Variants in MSI2 observed in about 807,000 individuals in gnomAD.
The protein encoded by MSI2 is RNA-binding protein Musashi homolog 2.
A neutral mutation model predicts 45.6 loss-of-function variants in MSI2; 17 were observed. The observed-to-expected ratio is 0.37, with a 90% CI of 0.26 to 0.56. The LOEUF is 0.56. MSI2 is among the 20% of genes least tolerant of loss of function. MSI2 has a pLI of 0.77. For missense variants in MSI2, 293 were observed against 444.2 expected (o/e 0.66, Z 3.06); for synonymous variants, 156 against 158.2 (o/e 0.99, Z 0.11).
chr17:57,452,228 G>A lies in MSI2; in HGVS notation c.405+50757G>A, dbSNP rs117300269. Among the ~76,000 whole-genome samples, 21 of 152,348 alleles carry A rather than the reference G, an allele frequency of 1.4e-4. No homozygotes were observed. In the East Asian group the frequency reaches 2.9e-3, roughly 21 times the overall value. Reference sequence around the variant, plus strand: ...GGAGGCAGGTTCTAGTCTTCTTTCCGGTGGCTCTCTGGGCAATGCATCTTG... The same window carrying A: ...GGAGGCAGGTTCTAGTCTTCTTTCCAGTGGCTCTCTGGGCAATGCATCTTG... On this transcript the variant is annotated intron_variant, in intron 6 of 13. Transcript: ENST00000284073.
intron 5 of MSI2, among the ~76,000 whole-genome samples, chr17:57,369,144 A>G (rs1252469335): frequency 6.6e-6 from 1 of 152,118 alleles, no homozygotes; most frequent in African/African-American, 2.4e-5. Flanking sequence ...TGGTGGTGGG[A>G]ATGACAGGGT....
chr17:57,544,482 G>C (rs1598385516), intron 7 of MSI2, among the ~76,000 whole-genome samples: 1 of 152,170 alleles, frequency 6.6e-6, no homozygotes, highest in Admixed American at 6.5e-5. Flanking sequence ...ACGGGGTAGG[G>C]CGCTGCAGGT....
In MSI2 at chr17:57,402,360, G is replaced by C. The variant is rs11650491; in HGVS notation, c.405+889G>C. The stretch of plus-strand genomic sequence containing the variant: ...ATCTTTGAGTAATTGTGGACATCGC[G>C]TGGGAGCCCAGGTCTGGGACAGTCT... On this transcript the variant is annotated intron_variant, in intron 6 of 13. Coordinates refer to ENST00000284073, the MANE Select transcript of MSI2 (RefSeq NM_138962.4). 3.3e-5 allele frequency among the ~76,000 whole-genome samples: 5 copies of C among 152,288 alleles called. No homozygotes were observed. In the South Asian group the frequency reaches 1.0e-3, roughly 32 times the overall value.
the MSI2 span, among the ~76,000 whole-genome samples, chr17:57,690,108 T>C: frequency 1.3e-5 from 2 of 151,988 alleles, no homozygotes; most frequent in South Asian, 2.1e-4. Flanking sequence ...TTTTCAGAGT[T>C]CTGGTTACTT....
In MSI2 at chr17:57,644,200, C is replaced by T. The variant is rs532997575; in HGVS notation, c.728-7899C>T. 6.7e-5 allele frequency among the ~76,000 whole-genome samples: 10 copies of T among 150,342 alleles called. No homozygotes were observed. The South Asian group carries it at 1.3e-3, about 19-fold the overall frequency. On this transcript the variant is annotated intron_variant, in intron 10 of 13. Transcript: ENST00000284073. ...AGATTCCTATTTTAAATGCCAAGGA[C>T]GCCAGGGTAAGTTGTTTTTTTTTTT...
chr17:57,586,816 C>T (rs2088359744), intron 7 of MSI2, among the ~76,000 whole-genome samples: 1 of 150,776 alleles, frequency 6.6e-6, no homozygotes, highest in Non-Finnish European at 1.5e-5. Flanking sequence ...AGTTCGAGAG[C>T]AGCCTGGCCA....
At chr17:57,301,632 A>G (rs879366655) in intron 5 of MSI2, among the ~76,000 whole-genome samples, 2 of 152,252 alleles carry the variant, frequency 1.3e-5, no homozygotes, top group African/African-American at 4.8e-5. Context: ...ATGTTGATGC[A>G]GGCAACTGCA....
At chr17:57,298,178 G>A (rs1413565519) in intron 5 of MSI2, among the ~76,000 whole-genome samples, 3 of 152,076 alleles carry the variant, frequency 2.0e-5, no homozygotes, top group Non-Finnish European at 2.9e-5. Context: ...GACAGGCATA[G>A]CCTTACAAAA....
intron 11 of MSI2, among the ~76,000 whole-genome samples, chr17:57,665,173 G>C (rs1912275387): frequency 1.3e-5 from 2 of 152,312 alleles, no homozygotes; most frequent in South Asian, 2.1e-4. Flanking sequence ...GGTCAGGAAG[G>C]CCACCCTCCA....
chr17:57,341,164 G>T (rs367783344), intron 5 of MSI2, among the ~76,000 whole-genome samples: 1 of 152,166 alleles, frequency 6.6e-6, no homozygotes. Flanking sequence ...GGGTGGGCCA[G>T]GGAAGGAGGT....
chr17:57,579,405 T>C (rs1044739364), intron 7 of MSI2, among the ~76,000 whole-genome samples: 1 of 152,182 alleles, frequency 6.6e-6, no homozygotes, highest in African/African-American at 2.4e-5. Context: ...GTGGCTCCCG[T>C]TGGAGACCCA....
At chr17:57,435,944 G>T (rs1306672872) in intron 6 of MSI2, among the ~76,000 whole-genome samples, 1 of 152,242 alleles carries the variant, frequency 6.6e-6, no homozygotes, top group Non-Finnish European at 1.5e-5. Flanking sequence ...CTGAAGCTCT[G>T]AGAGGTTGTG....
chr17:57,554,817 AG>A (rs2087393321), intron 7 of MSI2, among the ~76,000 whole-genome samples: 4 of 152,256 alleles, frequency 2.6e-5, no homozygotes, highest in Non-Finnish European at 4.4e-5. Flanking sequence ...GTGGCTATAA[AG>A]CCTGGGCTTT....
At chr17:57,453,202 G>C (rs765896719) in intron 6 of MSI2, among the ~76,000 whole-genome samples, 26 of 151,992 alleles carry the variant, frequency 1.7e-4, no homozygotes, top group Non-Finnish European at 3.1e-4. Flanking sequence ...GGTTTCATTA[G>C]GTTGGTCAGG....
intron 10 of MSI2, among the ~76,000 whole-genome samples, chr17:57,646,214 T>C (rs1406081367): frequency 2.0e-5 from 3 of 152,162 alleles, no homozygotes; most frequent in African/African-American, 7.2e-5. Context: ...AGAAATAAGA[T>C]ATGCACACAA....
At chr17:57,294,375 T>C (rs1253626911) in intron 5 of MSI2, among the ~76,000 whole-genome samples, 1 of 152,172 alleles carries the variant, frequency 6.6e-6, no homozygotes, top group Non-Finnish European at 1.5e-5. Flanking sequence ...CCGTGGCAGA[T>C]GAACGAGATG....
intron 10 of MSI2, among the ~76,000 whole-genome samples, chr17:57,636,688 CCT>C (rs1909865948): frequency 6.6e-6 from 1 of 152,224 alleles, no homozygotes; most frequent in Admixed American, 6.5e-5. Flanking sequence ...GTTGAAACTC[CCT>C]CTTTCCTCCT....
chr17:57,302,903 C>A (rs1422385901), intron 5 of MSI2, among the ~76,000 whole-genome samples: 1 of 152,060 alleles, frequency 6.6e-6, no homozygotes, highest in Non-Finnish European at 1.5e-5. Flanking sequence ...GGGGGACAGC[C>A]CCAGGCAAAC....
chr17:57,389,162 A>G (rs1489578915), intron 5 of MSI2, among the ~76,000 whole-genome samples: 3 of 151,484 alleles, frequency 2.0e-5, no homozygotes, highest in Non-Finnish European at 4.4e-5. Flanking sequence ...AATTTTTAGT[A>G]CAGACGGGGT....
Sources: allele counts gnomAD v4.1 joint callset (sites outside exome capture counted in the v4.1 genomes callset), GRCh38; gene constraint gnomAD v4.1.1; transcripts MANE v1.5; gene names NCBI Gene and HGNC (gene_info 2026-07-23, HGNC 2026-07-21).